PCYT1B: variants seen among roughly 807,000 people sequenced by gnomAD.
The protein encoded by PCYT1B is choline-phosphate cytidylyltransferase B.
In PCYT1B, 10 loss-of-function variants were observed where a neutral mutation model predicts 26.4. The ratio of observed to expected loss-of-function variants is 0.38; its 90% CI spans 0.23 to 0.64. The LOEUF (loss-of-function observed/expected upper bound fraction) is 0.64, where lower values mean the gene tolerates loss of function less well. PCYT1B is among the 30% of genes least tolerant of loss of function. PCYT1B has a pLI of 0.56. For synonymous variants in PCYT1B, 131 were observed against 108.4 expected, an observed-to-expected ratio of 1.21 and a Z score of -1.29; for missense variants, 161 against 292.7, an observed-to-expected ratio of 0.55 and a Z score of 3.28.
intron 3 of PCYT1B, among the ~76,000 whole-genome samples, chrX:24,598,228 A>G (rs1924846696): frequency 8.9e-6 from 1 of 112,129 alleles, no homozygotes. Flanking sequence ...AACTTATATC[A>G]TAAAATATTT....
In PCYT1B at chrX:24,617,380, TTTG is replaced by T. The variant is rs1925539264; in HGVS notation, c.217+1602_217+1604del. Among the ~76,000 whole-genome samples the T allele has an allele frequency of 8.7e-5, 9 of 102,969 alleles. No individual in the cohort carries two copies. In the South Asian group the frequency reaches 1.6e-3, roughly 19 times the overall value. 89.4% of individuals were successfully genotyped at this position (102,969 alleles called of 115,157 possible). A position where few individuals can be genotyped will look rare whatever the true frequency, so the allele number is the denominator to read the frequency against. On this transcript the variant is annotated intron_variant, in intron 2 of 7. Transcript: ENST00000379144. ...TAAGTTTGGTTTGTTTGTTTTTTTT[TTTG>T]TTTGTTTTCTGCAATGGCAACTAGA... is the stretch of plus-strand genomic sequence containing the variant.
intron 7 of PCYT1B, among the ~76,000 whole-genome samples, chrX:24,569,369 T>C (rs1229378015): frequency 9.0e-6 from 1 of 110,867 alleles, no homozygotes; most frequent in Admixed American, 9.7e-5. Context: ...GTGCGGCCAC[T>C]ATGGAAAACA....
At chrX:24,597,877 T>C (rs2148240032) in intron 3 of PCYT1B, among the ~76,000 whole-genome samples, 1 of 112,436 alleles carries the variant, frequency 8.9e-6, no homozygotes, top group East Asian at 2.8e-4. Context: ...AAAAGGAGCA[T>C]TGGAAAGAAA....
intron 1 of PCYT1B, among the ~76,000 whole-genome samples, chrX:24,665,322 G>A (rs1371189745): frequency 4.5e-5 from 5 of 110,206 alleles, no homozygotes; most frequent in Non-Finnish European, 9.5e-5. Context: ...ACAGAGTCTC[G>A]CTCTGTCACT....
rs1394634091 is a variant in PCYT1B at position 24,559,396 on chromosome X, A to G, written c.*2897T>C. ...AAGGAAGAAAGAGAAAGAAAAAGAA[A>G]GAAAGAAAAAGAGGAAAGAAAAAGA... On this transcript the variant is annotated 3_prime_UTR_variant, in exon 8 of 8. Coordinates refer to ENST00000379144, the MANE Select transcript of PCYT1B (RefSeq NM_004845.5). 3 of 101,796 alleles carry G rather than the reference A, an allele frequency of 2.9e-5. No individual in the cohort carries two copies. The highest frequency in any genetic ancestry group is 4.0e-5 in the Non-Finnish European group (2 of 50,164). 8.4% of individuals were successfully genotyped at this position (101,796 alleles called of 1,213,427 possible).
rs184383901 is a variant in PCYT1B at position 24,561,119 on chromosome X, G to T, written c.*1174C>A. ...GAACAAAATACTAATTTCCTGGTTGGGATAAAACGTTTCCACAGGAATCTG... is the reference window on the plus strand; with the variant it reads ...GAACAAAATACTAATTTCCTGGTTGTGATAAAACGTTTCCACAGGAATCTG... On this transcript the variant is annotated 3_prime_UTR_variant, in exon 8 of 8. Transcript: ENST00000379144. 8.9e-6 allele frequency: 1 copy of T among 112,472 alleles called. No homozygotes were observed. Among genetic ancestry groups the T allele is most frequent in the African/African-American group, 3.2e-5 (1 of 30,799 alleles). 9.3% of individuals were successfully genotyped at this position (112,472 alleles called of 1,213,427 possible). A position where few individuals can be genotyped will look rare whatever the true frequency, so the allele number is the denominator to read the frequency against.
chrX:24,596,910 C>T (rs992034982), intron 3 of PCYT1B, among the ~76,000 whole-genome samples: 5 of 110,946 alleles, frequency 4.5e-5, no homozygotes, highest in African/African-American at 1.6e-4. Context: ...AAGCATTTTA[C>T]ATGTTGACCA....
At chrX:24,630,389 G>GCCTC (rs1327967370) in intron 1 of PCYT1B, among the ~76,000 whole-genome samples, 4 of 111,312 alleles carry the variant, frequency 3.6e-5, no homozygotes, top group Non-Finnish European at 7.5e-5. Flanking sequence ...TCCACCCCCT[G>GCCTC]AGTTCACGCC....
chrX:24,602,955 C>T (rs1480214017), intron 3 of PCYT1B, among the ~76,000 whole-genome samples: 1 of 110,838 alleles, frequency 9.0e-6, no homozygotes, highest in Admixed American at 9.7e-5. Context: ...AGGCACCTGC[C>T]ACCATACCCA....
In PCYT1B at chrX:24,629,788, A is replaced by G. The variant is rs185234561; in HGVS notation, c.118-10704T>C. Among the ~76,000 whole-genome samples the G allele has an allele frequency of 1.3e-4, 14 of 110,022 alleles. No homozygotes were observed. The Admixed American group carries it at 1.3e-3, about 10-fold the overall frequency. On this transcript the variant is annotated intron_variant, in intron 1 of 7. Coordinates refer to ENST00000379144, the MANE Select transcript of PCYT1B (RefSeq NM_004845.5). ...ACTGACCACTTATAAACCAAACTCC[A>G]TCTCATGCGGCCACTTTCCAACCTC... is the stretch of plus-strand genomic sequence containing the variant.
chrX:24,647,274 C>G lies in PCYT1B; in HGVS notation c.-169G>C. ...GGAAGTAAAGAGGTTACCCCCCGCC[C>G]CTCTCTCTCTCTCTCTCTCCCAGAA... On this transcript the variant is annotated 5_prime_UTR_variant, in exon 1 of 8. Coordinates refer to ENST00000379144, the MANE Select transcript of PCYT1B (RefSeq NM_004845.5). 1.1e-6 allele frequency: 1 copy of G among 905,789 alleles called. No homozygotes were observed. 74.6% of individuals were successfully genotyped at this position (905,789 alleles called of 1,213,427 possible).
intron 3 of PCYT1B, among the ~76,000 whole-genome samples, chrX:24,603,198 A>C (rs1925022634): frequency 8.9e-6 from 1 of 112,584 alleles, no homozygotes; most frequent in African/African-American, 3.2e-5. Flanking sequence ...CAAAATTTCA[A>C]GACTCCTAGT....
intron 1 of PCYT1B, among the ~76,000 whole-genome samples, chrX:24,665,327 G>C (rs1030461154): frequency 7.2e-5 from 8 of 110,513 alleles, no homozygotes; most frequent in Non-Finnish European, 1.3e-4. Context: ...GTCTCGCTCT[G>C]TCACTCAGGC....
rs773207815 is a variant in PCYT1B at position 24,584,019 on chromosome X, C to T, written c.565+3222G>A. 2.7e-5 allele frequency among the ~76,000 whole-genome samples: 3 copies of T among 112,316 alleles called. No homozygotes were observed. The South Asian group carries it at 1.1e-3, about 42-fold the overall frequency. ...GGAAAGGAGCAGCTGGCTCATAGTTCAGATCTTACAATGACTTTAAAGGGT... is the reference window on the plus strand; with the variant it reads ...GGAAAGGAGCAGCTGGCTCATAGTTTAGATCTTACAATGACTTTAAAGGGT... On this transcript the variant is annotated intron_variant, in intron 5 of 7. Transcript: ENST00000379144.
chrX:24,658,506 CTTTT>C (rs1203809740), intron 1 of PCYT1B, among the ~76,000 whole-genome samples: 1 of 58,856 alleles, frequency 1.7e-5, no homozygotes. Context: ...TGTTTCATTG[CTTTT>C]TTTTTTTTTT....
chrX:24,566,145 T>C (rs142486122), intron 7 of PCYT1B, among the ~76,000 whole-genome samples: 20 of 112,312 alleles, frequency 1.8e-4, no homozygotes, highest in East Asian at 1.7e-3. Flanking sequence ...AAAACAGCAA[T>C]GCCTTTCTGA....
At chrX:24,632,433 G>A (rs1417763168) in intron 1 of PCYT1B, 1 of 154,839 alleles carries the variant, frequency 6.5e-6, no homozygotes, top group Non-Finnish European at 1.4e-5. Flanking sequence ...TGGGCATCAT[G>A]AACTCATTTG....
chrX:24,577,556 T>C (rs1232256043), intron 6 of PCYT1B, among the ~76,000 whole-genome samples: 1 of 111,690 alleles, frequency 9.0e-6, no homozygotes, highest in Non-Finnish European at 1.9e-5. Context: ...TTCCGACATT[T>C]CCTGACATTT....
intron 1 of PCYT1B, among the ~76,000 whole-genome samples, chrX:24,633,775 A>G (rs192608298): frequency 8.9e-6 from 1 of 112,027 alleles, no homozygotes; most frequent in Non-Finnish European, 1.9e-5. Flanking sequence ...AAATTAGCCT[A>G]TGTTAAAACT....
Sources: allele counts gnomAD v4.1 joint callset (sites outside exome capture counted in the v4.1 genomes callset), GRCh38; gene constraint gnomAD v4.1.1; transcripts MANE v1.5; gene names NCBI Gene and HGNC (gene_info 2026-07-23, HGNC 2026-07-21).